Variants in ARFGAP3 observed in about 807,000 individuals in gnomAD.
ARFGAP3 encodes the protein ARF GTPase activating protein 3, also known as ADP-ribosylation factor GTPase-activating protein 3.
In ARFGAP3, 72 loss-of-function variants were observed where a neutral mutation model predicts 75.0. The ratio of observed to expected loss-of-function variants is 0.96; its 90% CI spans 0.79 to 1.17. The LOEUF (loss-of-function observed/expected upper bound fraction) is 1.17, where lower values mean the gene tolerates loss of function less well. Ranked by LOEUF, ARFGAP3 falls within the 50% of genes most tolerant of loss-of-function variation. The pLI is 0.00. For missense variants in ARFGAP3, 620 were observed against 626.6 expected (o/e 0.99, Z 0.11); for synonymous variants, 221 against 217.9 (o/e 1.01, Z -0.13).
chr22:42,853,437 C>T, intron 1 of ARFGAP3: 1 of 220,910 alleles, frequency 4.5e-6, no homozygotes, highest in South Asian at 7.8e-5. Flanking sequence ...TGAGCTTGAA[C>T]AAGGGAATCT....
In ARFGAP3 at chr22:42,822,277, C is replaced by A. The variant is rs140062980; in HGVS notation, c.805G>T (p.Glu269Ter). The change falls in exon 9 of 16, where the codon GAA becomes TAA. Residue 269 changes from glutamate to a stop codon, truncating the protein, a stop_gained. Coordinates refer to ENST00000263245, the MANE Select transcript of ARFGAP3 (RefSeq NM_014570.5). LOFTEE classifies it high-confidence loss of function. ...EDLAKVVSKE[E>*]SIVSSLRLAY... is the part of the protein sequence containing the mutation. ...TAATGAAATTAAACTTACATTGATT[C>A]TTCTTTAGATACCACCTTGGCCAGG... 2 of 1,609,802 alleles carry A rather than the reference C, an allele frequency of 1.2e-6. No homozygotes were observed. The highest frequency in any genetic ancestry group is 2.7e-5 in the African/African-American group (2 of 74,518).
chr22:42,816,236 A>G (rs1925574181), intron 11 of ARFGAP3, among the ~76,000 whole-genome samples: 1 of 152,364 alleles, frequency 6.6e-6, no homozygotes, highest in South Asian at 2.1e-4. Context: ...GTGCTATAGC[A>G]TTCGCAGTAT....
intron 14 of ARFGAP3, among the ~76,000 whole-genome samples, chr22:42,803,338 C>A (rs1924963346): frequency 6.6e-6 from 1 of 152,124 alleles, no homozygotes. Context: ...CACTCCTAGA[C>A]CCTGGGCTGG....
intron 1 of ARFGAP3, among the ~76,000 whole-genome samples, chr22:42,849,885 A>G (rs1927197800): frequency 6.6e-6 from 1 of 152,102 alleles, no homozygotes; most frequent in South Asian, 2.1e-4. Context: ...TTTCCTGTCC[A>G]CTAGCACAGA....
At chr22:42,846,217 T>C (rs1013104574) in intron 2 of ARFGAP3, among the ~76,000 whole-genome samples, 1 of 152,166 alleles carries the variant, frequency 6.6e-6, no homozygotes, top group African/African-American at 2.4e-5. Flanking sequence ...CTAGAAAAGA[T>C]GGAGTAGGGA....
Position 42,826,062 on chromosome 22 carries a change from C to T in ARFGAP3, c.625+878G>A, listed in dbSNP as rs572112057. 1.0e-3 allele frequency among the ~76,000 whole-genome samples: 152 copies of T among 152,256 alleles called. 1 individual carries two copies. Among genetic ancestry groups the T allele is most frequent in the African/African-American group, 3.5e-3 (146 of 41,554 alleles). The stretch of plus-strand genomic sequence containing the variant: ...TATTGTAGTAGTCACATAACCTGCT[C>T]CCAAACTCTGACGAGTCTAAAACAT... On this transcript the variant is annotated intron_variant, in intron 7 of 15. Coordinates refer to ENST00000263245, the MANE Select transcript of ARFGAP3 (RefSeq NM_014570.5).
Position 42,827,027 on chromosome 22 carries a change from G to A in ARFGAP3, c.566-28C>T, listed in dbSNP as rs376200573. 41 of 1,611,234 alleles carry A rather than the reference G, an allele frequency of 2.5e-5. No homozygotes were observed. In the South Asian group the frequency reaches 2.7e-4, roughly 10 times the overall value. Reference sequence around the variant, plus strand: ...GAAAATTCAAAACATTGATATTAGCGCAGAAAATATACTCAGCTAACTTGC... The same window carrying A: ...GAAAATTCAAAACATTGATATTAGCACAGAAAATATACTCAGCTAACTTGC... On this transcript the variant is annotated intron_variant, in intron 6 of 15. Transcript: ENST00000263245.
intron 3 of ARFGAP3, among the ~76,000 whole-genome samples, chr22:42,839,515 T>C (rs1349670300): frequency 6.7e-6 from 1 of 150,302 alleles, no homozygotes; most frequent in Admixed American, 6.7e-5. Flanking sequence ...GGAGAATCTC[T>C]TGAACCCGGG....
At chr22:42,838,302 T>C (rs12160333) in intron 3 of ARFGAP3, among the ~76,000 whole-genome samples, 13 of 141,496 alleles carry the variant, frequency 9.2e-5, no homozygotes, top group African/African-American at 2.1e-4. Context: ...TTTTTTTTTC[T>C]TTTTTTTTTT....
chr22:42,838,291 T>TA (rs1555899060), intron 3 of ARFGAP3, among the ~76,000 whole-genome samples: 1,943 of 65,080 alleles, frequency 0.03, 35 homozygotes, highest in African/African-American at 0.11. Context: ...TATATATATA[T>TA]TTTTTTTTTC....
At chr22:42,856,697 A>C (rs772056265) in intron 1 of ARFGAP3, among the ~76,000 whole-genome samples, 16 of 152,106 alleles carry the variant, frequency 1.1e-4, no homozygotes, top group Non-Finnish European at 2.2e-4. Flanking sequence ...GTCGAGCTCC[A>C]GGGTGGCGCT....
rs781588701 is a variant in ARFGAP3 at position 42,817,822 on chromosome 22, T to C, written c.848A>G (p.Glu283Gly). ...SSLRLAYKDLEIQMKKDEKMN... is the reference protein window; with the variant it reads ...SSLRLAYKDLGIQMKKDEKMN... ...CTTTTCGTCTTTCTTCATTTGAATT[T>C]CAAGATCCTTATAGGCTAATCGTAA... The change falls in exon 10 of 16, where the codon GAA becomes GGA. Residue 283 changes from glutamate to glycine, a missense_variant. Transcript: ENST00000263245. The C allele has an allele frequency of 6.2e-7, 1 of 1,613,362 alleles. No homozygotes were observed. Among genetic ancestry groups the C allele is most frequent in the East Asian group, 2.2e-5 (1 of 44,808 alleles).
intron 9 of ARFGAP3, among the ~76,000 whole-genome samples, chr22:42,819,388 A>G (rs909932281): frequency 4.6e-5 from 7 of 152,240 alleles, no homozygotes; most frequent in African/African-American, 1.7e-4. Flanking sequence ...GAAAGATAAG[A>G]GATGGAAAAG....
At chr22:42,800,078 C>T (rs1446146965) in intron 14 of ARFGAP3, among the ~76,000 whole-genome samples, 1 of 152,216 alleles carries the variant, frequency 6.6e-6, no homozygotes, top group African/African-American at 2.4e-5. Context: ...TCTGACCACA[C>T]TCCTAGAGCT....
intron 2 of ARFGAP3, among the ~76,000 whole-genome samples, chr22:42,846,950 A>G (rs1927046734): frequency 6.6e-6 from 1 of 152,236 alleles, no homozygotes. Context: ...AAGGGGCTAC[A>G]TCTGGTAAGA....
At chr22:42,819,904 T>C (rs1925738128) in intron 9 of ARFGAP3, among the ~76,000 whole-genome samples, 1 of 152,156 alleles carries the variant, frequency 6.6e-6, no homozygotes, top group Non-Finnish European at 1.5e-5. Context: ...AACAAGGCCA[T>C]GAAAGTTGCC....
intron 13 of ARFGAP3, 128 bp from the exon 14 acceptor site, chr22:42,807,291 A>G (rs1193932134): frequency 6.2e-6 from 9 of 1,446,996 alleles, no homozygotes; most frequent in Non-Finnish European, 8.2e-6. Context: ...ACAGTTACTG[A>G]ATGCCACTGC....
At chr22:42,831,427 C>A in intron 6 of ARFGAP3, 122 bp downstream of exon 6, 1 of 980,218 alleles carries the variant, frequency 1.0e-6, no homozygotes, top group Admixed American at 2.5e-5. Context: ...CCGCCTCAGC[C>A]TCGCAAAGTG....
intron 11 of ARFGAP3, among the ~76,000 whole-genome samples, chr22:42,816,085 G>T (rs1232980557): frequency 1.3e-5 from 2 of 152,152 alleles, no homozygotes; most frequent in Admixed American, 1.3e-4. Context: ...CTGTACTCCA[G>T]CCTGGGTGAC....
Sources: gnomAD v4.1 joint callset for allele counts (sites outside exome capture counted in the v4.1 genomes callset) on GRCh38, gnomAD v4.1.1 for gene constraint, MANE v1.5 for transcripts, NCBI Gene and HGNC (gene_info 2026-07-23, HGNC 2026-07-21) for gene names.